The following TUBGCP3 variants were observed in gnomAD, a reference collection of about 807,000 sequenced individuals.
TUBGCP3 encodes the protein tubulin gamma complex component 3.
Under a neutral mutation model 123.1 loss-of-function variants are expected in TUBGCP3, and 50 were observed. That is an observed-to-expected ratio of 0.41 (90% CI 0.32 to 0.51). The LOEUF (loss-of-function observed/expected upper bound fraction) is 0.51. TUBGCP3 is among the 20% of genes least tolerant of loss of function. The probability of loss-of-function intolerance (pLI) is 0.36; values close to 1 mark genes in which losing one functional copy is unlikely to be tolerated. For missense variants in TUBGCP3, 882 were observed against 1,127.0 expected (o/e 0.78, Z 3.11); for synonymous variants, 405 against 413.9 (o/e 0.98, Z 0.26).
chr13:112,590,967 T>C (rs1303086385), upstream of TUBGCP3, among the ~76,000 whole-genome samples: 1 of 152,180 alleles, frequency 6.6e-6, no homozygotes, highest in Non-Finnish European at 1.5e-5. Flanking sequence ...AAATCGATGA[T>C]ATTAAAAAGG....
At position 112,519,979 on chromosome 13, in the gene TUBGCP3, G is replaced by A. The variant is rs1876476627; in HGVS notation, c.1788C>T (p.Asn596=). Residue 596 remains asparagine, a synonymous_variant, in exon 15 of 22, where the codon AAC becomes AAT. Coordinates refer to ENST00000261965, the MANE Select transcript of TUBGCP3 (RefSeq NM_006322.6). The surrounding 1 kb of genome is among the most constrained non-coding windows in gnomAD (Gnocchi z 6.2). The part of the protein sequence containing the change: ...VRPATTLYQH[N]LTGILETAVR... ...CAGCGGTTTCTAGAATTCCAGTCAA[G>A]TTATGCTGATACAAAGTCGTAGCTG... is the stretch of plus-strand genomic sequence containing the variant. 6.2e-7 allele frequency: 1 copy of A among 1,614,018 alleles called. No homozygotes were observed. The highest frequency in any genetic ancestry group is 2.2e-5 in the East Asian group (1 of 44,884).
chr13:112,588,544 C>T (rs1240168273), upstream of TUBGCP3, among the ~76,000 whole-genome samples: 1 of 152,228 alleles, frequency 6.6e-6, no homozygotes, highest in African/African-American at 2.4e-5. Flanking sequence ...GGCAGTTCAC[C>T]TGCTACGCTA....
intron 11 of TUBGCP3, among the ~76,000 whole-genome samples, chr13:112,529,928 T>C (rs1178850947): frequency 1.3e-5 from 2 of 152,184 alleles, no homozygotes; most frequent in Non-Finnish European, 2.9e-5. Flanking sequence ...AACGATCTCT[T>C]AGCAAAATGT....
intron 8 of TUBGCP3, among the ~76,000 whole-genome samples, chr13:112,549,483 TAATA>T (rs1023361305): frequency 6.6e-6 from 1 of 152,036 alleles, no homozygotes; most frequent in African/African-American, 2.4e-5. Flanking sequence ...TAAGGTATAA[TAATA>T]AAAAAATTAA....
the TUBGCP3 span, among the ~76,000 whole-genome samples, chr13:112,597,523 A>C: frequency 1.3e-5 from 2 of 152,324 alleles, no homozygotes; most frequent in African/African-American, 4.8e-5. Flanking sequence ...GAAAACTAGA[A>C]AGAGATTTAC....
intron 19 of TUBGCP3, among the ~76,000 whole-genome samples, chr13:112,500,200 T>G (rs1248749244): frequency 6.6e-6 from 1 of 152,198 alleles, no homozygotes; most frequent in Non-Finnish European, 1.5e-5. Context: ...ATTTCAATAG[T>G]GCAGAAGAAA....
intron 19 of TUBGCP3, among the ~76,000 whole-genome samples, chr13:112,501,801 G>A (rs183768281): frequency 3.3e-5 from 5 of 152,258 alleles, no homozygotes; most frequent in East Asian, 1.9e-4. Context: ...TGGGACCAAC[G>A]CACACGTGAA....
chr13:112,556,757 C>T (rs947702559), intron 5 of TUBGCP3, among the ~76,000 whole-genome samples: 1 of 152,148 alleles, frequency 6.6e-6, no homozygotes, highest in Non-Finnish European at 1.5e-5. Flanking sequence ...AGTATACAAA[C>T]GTATAAAATC....
At chr13:112,514,544 T>G (rs867427932) in intron 17 of TUBGCP3, among the ~76,000 whole-genome samples, 1 of 152,164 alleles carries the variant, frequency 6.6e-6, no homozygotes, top group Admixed American at 6.5e-5. Flanking sequence ...TTAAAAAGCA[T>G]AAAAGTTGAA....
chr13:112,579,667 T>C (rs569430350), intron 1 of TUBGCP3, among the ~76,000 whole-genome samples: 36 of 151,206 alleles, frequency 2.4e-4, no homozygotes, highest in African/African-American at 8.5e-4. Flanking sequence ...ATGGCATCCC[T>C]GGAGCTCTCC....
Position 112,555,318 on chromosome 13 carries a change from G to A in TUBGCP3, c.722-313C>T, listed in dbSNP as rs184590222. On this transcript the variant is annotated intron_variant, in intron 6 of 21. Coordinates refer to ENST00000261965, the MANE Select transcript of TUBGCP3 (RefSeq NM_006322.6). ...TGGGGCAGATGGTGGAGACTACTGC[G>A]GGGGCTAATACTGTGCCAGGATGTC... Among the ~76,000 whole-genome samples the A allele has an allele frequency of 2.3e-3, 346 of 152,244 alleles. 2 individuals are homozygous for A. Among genetic ancestry groups the A allele is most frequent in the African/African-American group, 7.8e-3 (323 of 41,546 alleles).
intron 2 of TUBGCP3, among the ~76,000 whole-genome samples, chr13:112,567,178 A>G (rs1293084189): frequency 6.6e-6 from 1 of 152,250 alleles, no homozygotes; most frequent in Non-Finnish European, 1.5e-5. Flanking sequence ...GAGTCAGTCA[A>G]TACACAACAT....
At chr13:112,570,928 C>T (rs922093104) in intron 1 of TUBGCP3, among the ~76,000 whole-genome samples, 11 of 152,222 alleles carry the variant, frequency 7.2e-5, no homozygotes, top group Non-Finnish European at 1.2e-4. Context: ...ACTTTCTCTG[C>T]TCATCGATAA....
intron 1 of TUBGCP3, among the ~76,000 whole-genome samples, chr13:112,572,274 T>G (rs931924926): frequency 6.6e-6 from 1 of 152,192 alleles, no homozygotes; most frequent in Non-Finnish European, 1.5e-5. Context: ...TTATTATTTC[T>G]TCTAAAAAAC....
chr13:112,545,807 C>G lies in TUBGCP3; in HGVS notation c.1227G>C (p.Pro409=). ...TGTGCTGCACCAGAGACCGCATGTA[C>G]GGGTCTCCTGTTTTTGTGTAGGCGT... The part of the protein sequence containing the change: ...AVHAYTKTGD[P]YMRSLVQHIL... Residue 409 remains proline (P), a synonymous_variant, in exon 11 of 22, where the codon CCG becomes CCC. Transcript: ENST00000261965. The surrounding 1 kb of genome is among the most constrained non-coding windows in gnomAD (Gnocchi z 4.1). 1 of 1,614,144 alleles carries G rather than the reference C, an allele frequency of 6.2e-7. No individual in the cohort carries two copies. The highest frequency in any genetic ancestry group is 8.5e-7 in the Non-Finnish European group (1 of 1,180,018).
chr13:112,596,496 G>A, the TUBGCP3 span, among the ~76,000 whole-genome samples: 3 of 152,134 alleles, frequency 2.0e-5, no homozygotes, highest in Non-Finnish European at 2.9e-5. Flanking sequence ...ATGCTAGGAT[G>A]TTATTTCTCT....
chr13:112,554,148 A>G lies in TUBGCP3; in HGVS notation c.875T>C (p.Val292Ala). ...CAACCATCCCAACTCAGAAAGCCTG[A>G]CTGCTGTGTCTCTCAAAGACCTACT... Reference protein sequence around the residue: ...NLSRSLRDTAVRLSELGWLHN... With the variant: ...NLSRSLRDTAARLSELGWLHN... The change falls in exon 8 of 22, where the codon GTC becomes GCC. Residue 292 changes from valine to alanine, a missense_variant. Around this residue, in one of 3 missense-constraint regions of TUBGCP3, gnomAD observed 713 missense variants for 874.0 expected, o/e 0.82. Coordinates refer to ENST00000261965, the MANE Select transcript of TUBGCP3 (RefSeq NM_006322.6). The G allele has an allele frequency of 6.2e-7, 1 of 1,614,156 alleles. No homozygotes were observed. Among genetic ancestry groups the G allele is most frequent in the Non-Finnish European group, 8.5e-7 (1 of 1,180,018 alleles).
intron 6 of TUBGCP3, among the ~76,000 whole-genome samples, 155 bp downstream of exon 6, chr13:112,555,897 G>A (rs1418631610): frequency 6.6e-6 from 1 of 152,240 alleles, no homozygotes; most frequent in East Asian, 1.9e-4. Context: ...TCCCCAAGGC[G>A]CCGCAGACCA....
intron 21 of TUBGCP3, among the ~76,000 whole-genome samples, chr13:112,487,047 C>CTGTGTG (rs1417332163): frequency 8.2e-5 from 10 of 121,564 alleles, no homozygotes; most frequent in Non-Finnish European, 1.7e-4. Context: ...CAGGCAAACA[C>CTGTGTG]TGTGTATGTG....
Sources: allele counts gnomAD v4.1 joint callset (sites outside exome capture counted in the v4.1 genomes callset), GRCh38; gene constraint gnomAD v4.1.1; regional missense constraint gnomAD v4.1.1; non-coding constraint Gnocchi (gnomAD v3.1); transcripts MANE v1.5; gene names NCBI Gene and HGNC (gene_info 2026-07-23, HGNC 2026-07-21).